CPPED1: variants seen among roughly 807,000 people sequenced by gnomAD.
CPPED1 encodes calcineurin like phosphoesterase domain containing 1.
In CPPED1, 28 loss-of-function variants were observed where a neutral mutation model predicts 28.0. The ratio of observed to expected loss-of-function variants is 1.00; its 90% CI spans 0.74 to 1.37. The LOEUF (loss-of-function observed/expected upper bound fraction) is 1.37. CPPED1 is among the 40% of genes most tolerant of loss of function. The pLI, the probability that CPPED1 is intolerant of heterozygous loss-of-function variation, is 0.00. For synonymous variants in CPPED1, 198 were observed against 180.2 expected, an observed-to-expected ratio of 1.10 and a Z score of -0.79; for missense variants, 504 against 416.5, an observed-to-expected ratio of 1.21 and a Z score of -1.83.
chr16:12,716,715 G>C (rs576842243), intron 2 of CPPED1, among the ~76,000 whole-genome samples: 4 of 152,308 alleles, frequency 2.6e-5, no homozygotes, highest in South Asian at 4.1e-4. Context: ...AGTCATTACA[G>C]GGCTAGAAAC....
chr16:12,746,206 C>T (rs2080286457), intron 2 of CPPED1, among the ~76,000 whole-genome samples: 1 of 151,952 alleles, frequency 6.6e-6, no homozygotes, highest in African/African-American at 2.4e-5. Context: ...AAAACCTCGT[C>T]TCTACTAAAA....
At position 12,753,803 on chromosome 16, in the gene CPPED1, C is replaced by A. The variant is rs536321626; in HGVS notation, c.289+27382G>T. On this transcript the variant is annotated intron_variant, in intron 2 of 3. Transcript: ENST00000381774. ...AGCCCCCTCTCATTTATTTTTTTAA[C>A]GTCTCCCTTTCATAAAGTGTAGCTT... 14 of 152,244 alleles carry A rather than the reference C, an allele frequency of 9.2e-5. No individual in the cohort carries two copies. In the East Asian group the frequency reaches 2.7e-3, roughly 29 times the overall value. The allele number at this position is 152,244 out of a possible 1,614,324, so 9.4% of individuals were successfully genotyped here. A position where few individuals can be genotyped will look rare whatever the true frequency, so the allele number is the denominator to read the frequency against.
At chr16:12,696,307 T>C (rs1314415904) in intron 3 of CPPED1, among the ~76,000 whole-genome samples, 1 of 152,140 alleles carries the variant, frequency 6.6e-6, no homozygotes, top group Non-Finnish European at 1.5e-5. Context: ...GTGAGAAGCA[T>C]GCCGGTCTAG....
intron 2 of CPPED1, among the ~76,000 whole-genome samples, chr16:12,769,385 T>C (rs1049818995): frequency 2.0e-5 from 3 of 152,124 alleles, no homozygotes; most frequent in Admixed American, 2.0e-4. Flanking sequence ...CTTCAGCAAC[T>C]TGATGAAGGA....
At chr16:12,780,164 C>CT (rs1163438302) in intron 2 of CPPED1, among the ~76,000 whole-genome samples, 3 of 151,898 alleles carry the variant, frequency 2.0e-5, no homozygotes, top group Non-Finnish European at 4.4e-5. Context: ...GAGCCTGGGA[C>CT]TTTGTTTTTT....
rs938626388 is a variant in CPPED1, at chr16:12,803,738, G to A, written c.39C>T (p.Ala13=). 1.1e-5 allele frequency: 17 copies of A among 1,596,012 alleles called. No homozygotes were observed. Among genetic ancestry groups the A allele is most frequent in the African/African-American group, 1.4e-5 (1 of 73,818 alleles). The change falls in exon 1 of 4, where the codon GCC becomes GCT. Residue 13 remains alanine (A), a synonymous_variant. Coordinates refer to ENST00000381774, the MANE Select transcript of CPPED1 (RefSeq NM_018340.3). ...AAEAGGVFHR[A]RGRTLAAFPA... is the part of the protein sequence containing the mutation. ...GAAACGCGGCCAGGGTCCTGCCCCTGGCTCTGTGGAAAACACCCCCCGCCT... is the reference window on the plus strand; with the variant it reads ...GAAACGCGGCCAGGGTCCTGCCCCTAGCTCTGTGGAAAACACCCCCCGCCT...
At chr16:12,759,450 T>C (rs2080395174) in intron 2 of CPPED1, 1 of 152,300 alleles carries the variant, frequency 6.6e-6, no homozygotes, top group Non-Finnish European at 1.5e-5. Context: ...GATACATGCC[T>C]GTGTCCTAAC....
chr16:12,770,754 A>G (rs531600711), intron 2 of CPPED1, among the ~76,000 whole-genome samples: 5 of 152,052 alleles, frequency 3.3e-5, no homozygotes, highest in African/African-American at 9.6e-5. Flanking sequence ...CCCGGGAGGC[A>G]GAGGTTGCAG....
chr16:12,757,891 A>G (rs550480975), intron 2 of CPPED1: 1 of 151,616 alleles, frequency 6.6e-6, no homozygotes, highest in South Asian at 2.1e-4. Flanking sequence ...CAGCTGCTCT[A>G]AAACAGAGCA....
intron 2 of CPPED1, among the ~76,000 whole-genome samples, chr16:12,727,215 C>A: frequency 6.6e-6 from 1 of 152,142 alleles, no homozygotes; most frequent in Admixed American, 6.5e-5. Flanking sequence ...TTTAATTATC[C>A]AGATAGGCAT....
intron 2 of CPPED1, among the ~76,000 whole-genome samples, chr16:12,710,451 G>A (rs1596455546): frequency 1.4e-5 from 2 of 146,208 alleles, no homozygotes; most frequent in African/African-American, 5.2e-5. Context: ...TATTGTTACA[G>A]GCCAAAAAAA....
At chr16:12,773,820 C>T (rs959030703) in intron 2 of CPPED1, among the ~76,000 whole-genome samples, 2 of 152,202 alleles carry the variant, frequency 1.3e-5, no homozygotes, top group African/African-American at 4.8e-5. Flanking sequence ...TTTGGCATCA[C>T]CGCGATTCCT....
intron 1 of CPPED1, among the ~76,000 whole-genome samples, chr16:12,793,756 G>T: frequency 6.6e-6 from 1 of 152,116 alleles, no homozygotes. Flanking sequence ...GGTTCCCACA[G>T]CACATGGTGG....
intron 2 of CPPED1, among the ~76,000 whole-genome samples, chr16:12,751,225 C>CCTAT (rs1403178052): frequency 6.6e-6 from 1 of 152,182 alleles, no homozygotes; most frequent in Non-Finnish European, 1.5e-5. Context: ...TGGCTACCTT[C>CCTAT]CTATCTAATA....
intron 2 of CPPED1, among the ~76,000 whole-genome samples, chr16:12,710,639 A>G (rs1262062365): frequency 6.6e-6 from 1 of 152,210 alleles, no homozygotes; most frequent in Non-Finnish European, 1.5e-5. Flanking sequence ...CTAAAACTCA[A>G]CAACCACTAA....
intron 2 of CPPED1, among the ~76,000 whole-genome samples, chr16:12,764,502 C>G (rs978329296): frequency 1.3e-5 from 2 of 152,052 alleles, no homozygotes; most frequent in Non-Finnish European, 2.9e-5. Flanking sequence ...CACACCTGGC[C>G]AAATTTTTGA....
At chr16:12,779,855 G>T (rs1366658915) in intron 2 of CPPED1, among the ~76,000 whole-genome samples, 1 of 152,072 alleles carries the variant, frequency 6.6e-6, no homozygotes, top group African/African-American at 2.4e-5. Flanking sequence ...GCCCCAGACA[G>T]ACACCCACAC....
chr16:12,711,210 T>C (rs1397059653), intron 2 of CPPED1, among the ~76,000 whole-genome samples: 1 of 152,216 alleles, frequency 6.6e-6, no homozygotes, highest in Admixed American at 6.5e-5. Flanking sequence ...TTAGGATATA[T>C]GCTAAGTGAA....
chr16:12,783,124 G>A (rs1375637826), intron 1 of CPPED1, among the ~76,000 whole-genome samples: 2 of 152,132 alleles, frequency 1.3e-5, no homozygotes, highest in East Asian at 1.9e-4. Flanking sequence ...GCTCGTTGGG[G>A]GAGATGAGCA....
Sources: allele counts gnomAD v4.1 joint callset (sites outside exome capture counted in the v4.1 genomes callset), GRCh38; gene constraint gnomAD v4.1.1; transcripts MANE v1.5; gene names NCBI Gene and HGNC (gene_info 2026-07-23, HGNC 2026-07-21).